DOCK1: variants seen among roughly 807,000 people sequenced by gnomAD.
DOCK1 encodes dedicator of cytokinesis 1.
A neutral mutation model predicts 262.7 loss-of-function variants in DOCK1; 138 were observed. The observed-to-expected ratio is 0.53, with a 90% CI of 0.46 to 0.61. DOCK1 has a LOEUF of 0.61. Ranked by LOEUF, DOCK1 falls within the 20% of genes least tolerant of loss-of-function variation. The pLI is 0.00. For missense variants in DOCK1, 1,908 were observed against 2,370.7 expected (o/e 0.80, Z 4.05); for synonymous variants, 866 against 867.4 (o/e 1.00, Z 0.03).
intron 29 of DOCK1, among the ~76,000 whole-genome samples, chr10:127,317,842 C>T (rs1282698402): frequency 6.6e-6 from 1 of 152,150 alleles, no homozygotes; most frequent in Non-Finnish European, 1.5e-5. Flanking sequence ...TACCTGAGCT[C>T]TTACTTTGAC....
At chr10:127,447,680 G>A (rs2070675114) in intron 51 of DOCK1, 135 bp downstream of exon 51, 2 of 1,381,820 alleles carry the variant, frequency 1.4e-6, no homozygotes, top group Non-Finnish European at 1.9e-6. Context: ...ATGGGCCCGG[G>A]TTTGATTTTG....
rs1417738977 is a variant in DOCK1 at position 127,176,505 on chromosome 10, T to G, written c.2847+48741T>G. On this transcript the variant is annotated intron_variant, in intron 27 of 51. Coordinates refer to ENST00000623213, the MANE Select transcript of DOCK1 (RefSeq NM_001290223.2). This position sits in a 1 kb window ranked among gnomAD's most constrained non-coding sequence, Gnocchi z 4.4. ...CCACGACGACTGCCTGTTTCCTAAT[T>G]ATATTTAAGCAGGTGAGGTCGGCCT... The G allele has an allele frequency of 2.1e-6, 2 of 940,418 alleles. No individual in the cohort carries two copies. Among genetic ancestry groups the G allele is most frequent in the Non-Finnish European group, 3.2e-6 (2 of 632,234 alleles). The allele number at this position is 940,418 out of a possible 1,614,324, so 58.3% of individuals were successfully genotyped here. A position where few individuals can be genotyped will look rare whatever the true frequency, so the allele number is the denominator to read the frequency against.
At chr10:127,279,430 A>C (rs2060863786) in intron 29 of DOCK1, among the ~76,000 whole-genome samples, 1 of 152,248 alleles carries the variant, frequency 6.6e-6, no homozygotes, top group East Asian at 1.9e-4. Context: ...GAGAAGAATC[A>C]GCTTTGCTTG....
At chr10:126,909,989 C>T (rs1484969306) in intron 1 of DOCK1, among the ~76,000 whole-genome samples, 1 of 152,200 alleles carries the variant, frequency 6.6e-6, no homozygotes, top group Non-Finnish European at 1.5e-5. Flanking sequence ...ACTTGCGTGC[C>T]TTCACATTAG....
At chr10:127,418,238 A>T in intron 44 of DOCK1, 127 bp from the exon 45 acceptor site, 1 of 1,099,374 alleles carries the variant, frequency 9.1e-7, no homozygotes. Flanking sequence ...CCACCCAAAA[A>T]TTCTGTTTGG....
chr10:126,963,054 T>A (rs961688561), intron 1 of DOCK1, among the ~76,000 whole-genome samples: 2 of 152,244 alleles, frequency 1.3e-5, no homozygotes, highest in Non-Finnish European at 2.9e-5. Context: ...GGTTTACTTT[T>A]GAGTTCTCTG....
In DOCK1 at chr10:127,351,261, TAAG is replaced by T. The variant is rs1440223459; in HGVS notation, c.3225-3404_3225-3402del. On this transcript the variant is annotated intron_variant, in intron 31 of 51. Coordinates refer to ENST00000623213, the MANE Select transcript of DOCK1 (RefSeq NM_001290223.2). ...CACTCACACCGTGGGTGGGCTCAGG[TAAG>T]AAGCTCTGGGCAGAGCACGGTGACC... Among the ~76,000 whole-genome samples, 7 of 152,124 alleles carry T rather than the reference TAAG, an allele frequency of 4.6e-5. No individual in the cohort carries two copies. The East Asian group carries it at 1.2e-3, about 25-fold the overall frequency.
intron 1 of DOCK1, among the ~76,000 whole-genome samples, chr10:126,923,014 C>A (rs2033356128): frequency 6.6e-6 from 1 of 152,120 alleles, no homozygotes; most frequent in Admixed American, 6.5e-5. Flanking sequence ...GAGGCTGAGG[C>A]AGGAGAATTG....
At chr10:127,369,173 G>T (rs1351737183) in intron 33 of DOCK1, among the ~76,000 whole-genome samples, 1 of 152,158 alleles carries the variant, frequency 6.6e-6, no homozygotes, top group Admixed American at 6.5e-5. Flanking sequence ...GAATGTCAGC[G>T]GCTCTGCCAC....
At position 127,425,739 on chromosome 10, in the gene DOCK1, T is replaced by C. The variant is rs898038582; in HGVS notation, c.4777-135T>C. ...TGGTCTTTGGTGGTAATATGCCTGCTGGTAAATTGAATCAGCTGGTTTGAT... is the reference window on the plus strand; with the variant it reads ...TGGTCTTTGGTGGTAATATGCCTGCCGGTAAATTGAATCAGCTGGTTTGAT... On this transcript the variant is annotated intron_variant, in intron 46 of 51. Coordinates refer to ENST00000623213, the MANE Select transcript of DOCK1 (RefSeq NM_001290223.2). 4.5e-6 allele frequency: 6 copies of C among 1,330,370 alleles called. No individual in the cohort carries two copies. The Admixed American group carries it at 6.4e-5, about 14-fold the overall frequency. 82.4% of individuals were successfully genotyped at this position (1,330,370 alleles called of 1,614,324 possible). A position where few individuals can be genotyped will look rare whatever the true frequency, so the allele number is the denominator to read the frequency against.
intron 1 of DOCK1, among the ~76,000 whole-genome samples, chr10:126,942,080 A>AGT (rs1272641614): frequency 6.6e-6 from 1 of 151,662 alleles, no homozygotes; most frequent in Admixed American, 6.6e-5. Flanking sequence ...GCTGGAGTGC[A>AGT]GTGGCACGAT....
chr10:127,272,573 G>GA (rs1484561249), intron 29 of DOCK1, among the ~76,000 whole-genome samples: 1 of 152,184 alleles, frequency 6.6e-6, no homozygotes, highest in Admixed American at 6.5e-5. Flanking sequence ...TTTATAGACA[G>GA]AAAAAATCTC....
chr10:127,230,757 GT>G (rs911625941), intron 27 of DOCK1, among the ~76,000 whole-genome samples: 1 of 150,462 alleles, frequency 6.6e-6, no homozygotes, highest in South Asian at 2.1e-4. Flanking sequence ...TGGGTTTTTT[GT>G]TTTTTTTGTT....
chr10:127,040,610 T>C (rs556269811), intron 19 of DOCK1, among the ~76,000 whole-genome samples: 56 of 152,134 alleles, frequency 3.7e-4, no homozygotes, highest in Non-Finnish European at 7.8e-4. Context: ...GCTATAGCAG[T>C]TTGAGATCTT....
chr10:127,010,159 T>C (rs1345473963), intron 11 of DOCK1, among the ~76,000 whole-genome samples: 2 of 152,196 alleles, frequency 1.3e-5, no homozygotes, highest in Non-Finnish European at 2.9e-5. Flanking sequence ...ATTAGCTCCA[T>C]GTGGCTATTT....
At chr10:127,203,747 C>T (rs1000212135) in intron 27 of DOCK1, among the ~76,000 whole-genome samples, 5 of 151,748 alleles carry the variant, frequency 3.3e-5, no homozygotes, top group Admixed American at 6.6e-5. Flanking sequence ...GTGTCCAATT[C>T]ACCTAATTTG....
chr10:127,031,802 T>C, intron 17 of DOCK1, 49 bp downstream of exon 17: 1 of 1,538,484 alleles, frequency 6.5e-7, no homozygotes, highest in African/African-American at 1.4e-5. Context: ...AGTTTCAGTC[T>C]TTTCTGGGCT....
At chr10:127,154,355 G>A (rs1215212946) in intron 27 of DOCK1, among the ~76,000 whole-genome samples, 1 of 152,234 alleles carries the variant, frequency 6.6e-6, no homozygotes, top group East Asian at 1.9e-4. Flanking sequence ...GCCAAATCCC[G>A]CCGGGGCCTG....
Position 127,175,957 on chromosome 10 carries a change from C to G in DOCK1, c.2847+48193C>G. The G allele has an allele frequency of 6.2e-7, 1 of 1,614,210 alleles. No homozygotes were observed. The highest frequency in any genetic ancestry group is 8.5e-7 in the Non-Finnish European group (1 of 1,180,036). ...GGTCCAGCCTCGTTCTTCTCTTTCG[C>G]ATCTGTTAGAAACCCATTGTTTTGG... On this transcript the variant is annotated intron_variant, in intron 27 of 51. Transcript: ENST00000623213. The surrounding 1 kb of genome is among the most constrained non-coding windows in gnomAD (Gnocchi z 6.3).
Sources: gnomAD v4.1 joint callset for allele counts (sites outside exome capture counted in the v4.1 genomes callset) on GRCh38, gnomAD v4.1.1 for gene constraint, Gnocchi (gnomAD v3.1) non-coding constraint, MANE v1.5 for transcripts, NCBI Gene and HGNC (gene_info 2026-07-23, HGNC 2026-07-21) for gene names.